SCLT1: variants seen among roughly 807,000 people sequenced by gnomAD.
SCLT1 encodes the protein sodium channel and clathrin linker 1, also known as sodium channel-associated protein 1.
A neutral mutation model predicts 112.8 loss-of-function variants in SCLT1; 78 were observed. That is an observed-to-expected ratio of 0.69 (90% confidence interval 0.58 to 0.83). The LOEUF (loss-of-function observed/expected upper bound fraction) is 0.83, where lower values mean the gene tolerates loss of function less well. Among genes scored for constraint, SCLT1 ranks in the 40% least tolerant of loss-of-function variants. SCLT1 has a pLI of 0.00. For synonymous variants in SCLT1, 257 were observed against 254.7 expected, an observed-to-expected ratio of 1.01 and a Z score of -0.09; for missense variants, 747 against 770.4, an observed-to-expected ratio of 0.97 and a Z score of 0.36.
chr4:128,913,139 T>C (rs547844367), intron 18 of SCLT1, among the ~76,000 whole-genome samples: 15 of 152,256 alleles, frequency 9.9e-5, no homozygotes, highest in Non-Finnish European at 1.8e-4. Context: ...AACCATTTCA[T>C]GTTGCTACGT....
In SCLT1 at chr4:128,999,729, A is replaced by C. The variant is rs756228530; in HGVS notation, c.492T>G (p.Leu164=). 23 of 1,606,972 alleles carry C rather than the reference A, an allele frequency of 1.4e-5. No homozygotes were observed. The South Asian group carries it at 2.2e-4, about 15-fold the overall frequency. Residue 164 remains leucine, a synonymous_variant, in exon 7 of 21, where the codon CTT becomes CTG. Coordinates refer to ENST00000281142, the MANE Select transcript of SCLT1 (RefSeq NM_144643.4). ...GGGCCTCAGTCATATGTTCCTGGTAAAGCTTGTGTAGTCTGTCCAACTCCT... is the reference window on the plus strand; with the variant it reads ...GGGCCTCAGTCATATGTTCCTGGTACAGCTTGTGTAGTCTGTCCAACTCCT... ...VSQELDRLHK[L]YQEHMTEAQI...
chr4:128,960,125 C>A (rs573629860), intron 11 of SCLT1, among the ~76,000 whole-genome samples: 1 of 152,056 alleles, frequency 6.6e-6, no homozygotes, highest in Admixed American at 6.5e-5. Flanking sequence ...TAAAGCAAAC[C>A]CTTAAGAAAT....
chr4:128,912,525 A>G (rs1332890604), intron 18 of SCLT1, among the ~76,000 whole-genome samples: 1 of 152,232 alleles, frequency 6.6e-6, no homozygotes, highest in Non-Finnish European at 1.5e-5. Context: ...GATACATTTT[A>G]TTGATTTCAT....
At chr4:128,901,599 C>G (rs1304463570) in intron 18 of SCLT1, among the ~76,000 whole-genome samples, 1 of 151,150 alleles carries the variant, frequency 6.6e-6, no homozygotes, top group Non-Finnish European at 1.5e-5. Context: ...TGCAGCACAC[C>G]AACATGGCAC....
At chr4:129,012,302 GAGT>G (rs1038957974) in intron 5 of SCLT1, among the ~76,000 whole-genome samples, 3 of 152,242 alleles carry the variant, frequency 2.0e-5, no homozygotes, top group Non-Finnish European at 4.4e-5. Flanking sequence ...CGTCATTCAG[GAGT>G]AGGTTATTCA....
chr4:129,007,040 A>ATCT (rs1179065625), intron 5 of SCLT1, among the ~76,000 whole-genome samples: 1 of 152,224 alleles, frequency 6.6e-6, no homozygotes, highest in Non-Finnish European at 1.5e-5. Context: ...TAACTTAGAA[A>ATCT]AAGCTGAGGA....
At chr4:129,000,537 C>T (rs1280339806) in intron 6 of SCLT1, among the ~76,000 whole-genome samples, 2 of 151,836 alleles carry the variant, frequency 1.3e-5, no homozygotes, top group Non-Finnish European at 2.9e-5. Context: ...CATTTTTCGC[C>T]TTTTTACTCT....
At chr4:128,874,008 A>AG (rs1260321684) in intron 5 of SCLT1, 1 of 152,594 alleles carries the variant, frequency 6.6e-6, no homozygotes, top group East Asian at 1.9e-4. Context: ...AATTCAGGGG[A>AG]GGGGGAAGAA....
chr4:129,014,364 A>G (rs1401617697), intron 5 of SCLT1, among the ~76,000 whole-genome samples: 4 of 152,128 alleles, frequency 2.6e-5, no homozygotes, highest in African/African-American at 9.7e-5. Flanking sequence ...AATGGGGTAG[A>G]TTAGAGGAAA....
At chr4:129,059,079 CTCATA>C (rs773386623) in intron 2 of SCLT1, among the ~76,000 whole-genome samples, 4 of 152,110 alleles carry the variant, frequency 2.6e-5, no homozygotes, top group African/African-American at 4.8e-5. Context: ...TCTGTATTAT[CTCATA>C]TAAGAATAGC....
chr4:128,994,374 G>C (rs1280619512), intron 8 of SCLT1, among the ~76,000 whole-genome samples: 1 of 152,058 alleles, frequency 6.6e-6, no homozygotes, highest in Non-Finnish European at 1.5e-5. Flanking sequence ...AGGCTGAATA[G>C]CATTCCACTG....
chr4:129,070,780 T>C (rs1473630315), intron 2 of SCLT1, among the ~76,000 whole-genome samples: 3 of 152,184 alleles, frequency 2.0e-5, no homozygotes, highest in Non-Finnish European at 4.4e-5. Context: ...CACTTAATTC[T>C]GCTCTAATCT....
chr4:128,874,538 C>G (rs1021711355), intron 4 of SCLT1: 6 of 151,824 alleles, frequency 4.0e-5, no homozygotes, highest in African/African-American at 1.5e-4. Flanking sequence ...ACAAAACACA[C>G]AAAAATAAAA....
chr4:128,966,031 C>T (rs1336283574), intron 10 of SCLT1, among the ~76,000 whole-genome samples: 3 of 151,664 alleles, frequency 2.0e-5, no homozygotes, highest in Non-Finnish European at 4.4e-5. Context: ...AGGGTTTCAC[C>T]ACATTGGCCA....
chr4:128,996,012 C>T (rs1352876263), intron 8 of SCLT1, among the ~76,000 whole-genome samples: 4 of 152,000 alleles, frequency 2.6e-5, no homozygotes, highest in African/African-American at 9.7e-5. Flanking sequence ...AAGATAGAGG[C>T]CAGTATTCTG....
At chr4:128,996,479 T>C (rs1205217047) in intron 8 of SCLT1, among the ~76,000 whole-genome samples, 4 of 152,160 alleles carry the variant, frequency 2.6e-5, no homozygotes, top group African/African-American at 9.6e-5. Context: ...AAGGGCACTT[T>C]TCTTCAAGTT....
At chr4:128,938,987 A>AAAC (rs375993853) in intron 17 of SCLT1, among the ~76,000 whole-genome samples, 1 of 152,110 alleles carries the variant, frequency 6.6e-6, no homozygotes, top group Non-Finnish European at 1.5e-5. Flanking sequence ...CAAACAACAA[A>AAAC]AACAACAACA....
intron 18 of SCLT1, among the ~76,000 whole-genome samples, chr4:128,898,912 T>C (rs1362603000): frequency 2.0e-5 from 3 of 152,130 alleles, no homozygotes; most frequent in Non-Finnish European, 4.4e-5. Flanking sequence ...GCAAATAAAC[T>C]AGAAAATCTA....
chr4:129,006,253 T>C (rs1053492964), intron 5 of SCLT1, among the ~76,000 whole-genome samples: 1 of 152,092 alleles, frequency 6.6e-6, no homozygotes, highest in African/African-American at 2.4e-5. Context: ...GGTCTTAAAA[T>C]TTTTAGCCAG....
Sources: gnomAD v4.1 joint callset for allele counts (sites outside exome capture counted in the v4.1 genomes callset) on GRCh38, gnomAD v4.1.1 for gene constraint, MANE v1.5 for transcripts, NCBI Gene and HGNC (gene_info 2026-07-23, HGNC 2026-07-21) for gene names.